The following DRICH1 variants were observed in gnomAD, a reference collection of about 807,000 sequenced individuals.
DRICH1 encodes aspartate rich 1.
DRICH1 carries 38 observed loss-of-function variants against 39.5 expected under a neutral mutation model. That is an observed-to-expected ratio of 0.96 (90% confidence interval 0.74 to 1.26). The LOEUF (loss-of-function observed/expected upper bound fraction) is 1.26. DRICH1 is among the 50% of genes most tolerant of loss of function. The probability of loss-of-function intolerance (pLI) is 0.00; values close to 1 mark genes in which losing one functional copy is unlikely to be tolerated. For synonymous variants in DRICH1, 84 were observed against 99.5 expected, an observed-to-expected ratio of 0.84 and a Z score of 0.93; for missense variants, 279 against 270.4, an observed-to-expected ratio of 1.03 and a Z score of -0.22.
At position 23,624,291 on chromosome 22, in the gene DRICH1, G is replaced by C. The variant is rs745586907; in HGVS notation, c.298+592C>G. ...GCTCTGAGATTTTGCAGTGGCACAG[G>C]CAGAAAAGAGCAGGTGTTCTCAGAA... On this transcript the variant is annotated intron_variant, in intron 3 of 11. Coordinates refer to ENST00000317749, the MANE Select transcript of DRICH1 (RefSeq NM_016449.4). 256 of 985,150 alleles carry C rather than the reference G, an allele frequency of 2.6e-4. 1 individual carries two copies. The highest frequency in any genetic ancestry group is 2.8e-4 in the Non-Finnish European group (236 of 829,738). 61.0% of individuals were successfully genotyped at this position (985,150 alleles called of 1,614,324 possible). A position where few individuals can be genotyped will look rare whatever the true frequency, so the allele number is the denominator to read the frequency against.
chr22:23,596,944 G>C, the DRICH1 span, among the ~76,000 whole-genome samples: 1 of 151,202 alleles, frequency 6.6e-6, no homozygotes, highest in South Asian at 2.1e-4. Flanking sequence ...TGACAGTATA[G>C]TATTGCAACT....
At chr22:23,608,323 GGACTCT>G (rs1393988325), downstream of DRICH1, 1 of 175,958 alleles carries the variant, frequency 5.7e-6, no homozygotes, top group Non-Finnish European at 1.2e-5. Context: ...TCCTGGAGGA[GGACTCT>G]GACAGCAAGG....
intron 1 of DRICH1, among the ~76,000 whole-genome samples, chr22:23,627,801 T>C (rs533231748): frequency 4.7e-4 from 72 of 152,240 alleles, no homozygotes; most frequent in African/African-American, 1.6e-3. Context: ...GCCTCCAGGA[T>C]TGGTGTAGGG....
At chr22:23,592,515 G>A in the DRICH1 span, among the ~76,000 whole-genome samples, 69 of 152,234 alleles carry the variant, frequency 4.5e-4, 1 homozygote, top group African/African-American at 1.5e-3. Flanking sequence ...TGCATAACAG[G>A]CAAGAGAAAG....
In DRICH1 at chr22:23,632,072, G is replaced by C. The variant is rs1920999361; in HGVS notation, c.-49C>G. The C allele has an allele frequency of 6.2e-7, 1 of 1,609,188 alleles. No individual in the cohort carries two copies. Among genetic ancestry groups the C allele is most frequent in the Non-Finnish European group, 8.5e-7 (1 of 1,178,184 alleles). On this transcript the variant is annotated 5_prime_UTR_variant, in exon 1 of 12. Transcript: ENST00000317749. ...TCCTGCCTCAGCCTTCAGCGAAATT[G>C]TAACTGTGCTGCCCTAGCAGCCACA...
chr22:23,624,305 G>A (rs1927932297), intron 3 of DRICH1: 2 of 985,150 alleles, frequency 2.0e-6, no homozygotes, highest in South Asian at 4.7e-5. Context: ...AAAAGAGCAG[G>A]TGTTCTCAGA....
At chr22:23,603,580 T>A (rs1488086226), downstream of DRICH1, among the ~76,000 whole-genome samples, 2 of 152,174 alleles carry the variant, frequency 1.3e-5, no homozygotes, top group African/African-American at 4.8e-5. Flanking sequence ...TCTCCCTCCG[T>A]GTCCCCCAGG....
the DRICH1 span, among the ~76,000 whole-genome samples, chr22:23,585,031 ATT>A: frequency 6.6e-6 from 1 of 151,926 alleles, no homozygotes; most frequent in African/African-American, 2.4e-5. Context: ...ATGTTACCTA[ATT>A]TTGTTTCTTG....
At chr22:23,619,168 T>A (rs1927557864) in intron 6 of DRICH1, among the ~76,000 whole-genome samples, 196 bp downstream of exon 6, 1 of 113,664 alleles carries the variant, frequency 8.8e-6, no homozygotes, top group Non-Finnish European at 1.8e-5. Flanking sequence ...TGAGACTCCG[T>A]CTCAAAAAAA....
At chr22:23,597,042 C>A in the DRICH1 span, among the ~76,000 whole-genome samples, 1 of 150,118 alleles carries the variant, frequency 6.7e-6, no homozygotes, top group African/African-American at 2.5e-5. Context: ...CGCACATGTA[C>A]TAATTGTTAC....
the DRICH1 span, among the ~76,000 whole-genome samples, chr22:23,591,654 C>T: frequency 2.6e-5 from 4 of 152,204 alleles, no homozygotes; most frequent in East Asian, 1.9e-4. Flanking sequence ...CTATCTGAGG[C>T]GTAGGGGGTC....
In DRICH1 at chr22:23,632,101, C is replaced by G. The variant is rs1921000694; in HGVS notation, c.-78G>C. On this transcript the variant is annotated 5_prime_UTR_variant, in exon 1 of 12. Transcript: ENST00000317749. ...CTGTGCTGCCCTAGCAGCCACACTACTGAGGGTGGCCCTGCACTTTTAGAA... is the reference window on the plus strand; with the variant it reads ...CTGTGCTGCCCTAGCAGCCACACTAGTGAGGGTGGCCCTGCACTTTTAGAA... 6.3e-7 allele frequency: 1 copy of G among 1,583,892 alleles called. No individual in the cohort carries two copies. The highest frequency in any genetic ancestry group is 1.3e-5 in the African/African-American group (1 of 74,386).
chr22:23,594,910 G>A, the DRICH1 span, among the ~76,000 whole-genome samples: 1 of 151,492 alleles, frequency 6.6e-6, no homozygotes, highest in African/African-American at 2.4e-5. Flanking sequence ...TTTGAAAGAG[G>A]TGAGCAGAGT....
chr22:23,603,622 C>T (rs1459563974), downstream of DRICH1, among the ~76,000 whole-genome samples: 1 of 152,134 alleles, frequency 6.6e-6, no homozygotes, highest in East Asian at 1.9e-4. Flanking sequence ...GTCTCCTCTC[C>T]ACTGGCACTG....
the DRICH1 span, among the ~76,000 whole-genome samples, chr22:23,582,700 G>A: frequency 6.6e-6 from 1 of 151,990 alleles, no homozygotes; most frequent in Admixed American, 6.6e-5. Context: ...CAGGCAGCTG[G>A]TCTACAGGTG....
At chr22:23,632,546 TTC>T (rs1474625648), upstream of DRICH1, among the ~76,000 whole-genome samples, 1 of 152,184 alleles carries the variant, frequency 6.6e-6, no homozygotes, top group Non-Finnish European at 1.5e-5. Context: ...TGCCTGAGCT[TTC>T]CAGTCCTGAG....
chr22:23,617,012 C>T (rs2123773758), intron 7 of DRICH1, 138 bp from the exon 8 acceptor site: 3 of 977,106 alleles, frequency 3.1e-6, no homozygotes, highest in Non-Finnish European at 3.2e-6. Flanking sequence ...ACCAAACATT[C>T]TAGCATAGAG....
downstream of DRICH1, among the ~76,000 whole-genome samples, chr22:23,605,974 T>G (rs1450789858): frequency 6.6e-6 from 1 of 150,486 alleles, no homozygotes; most frequent in Admixed American, 6.6e-5. Context: ...CTTGGGAGGC[T>G]GAGGTAGGAG....
chr22:23,630,072 C>A (rs1928299914), intron 1 of DRICH1, among the ~76,000 whole-genome samples: 1 of 152,216 alleles, frequency 6.6e-6, no homozygotes, highest in African/African-American at 2.4e-5. Context: ...TTACACTTCT[C>A]AGAATCTGTG....
Sources: gnomAD v4.1 joint callset for allele counts (sites outside exome capture counted in the v4.1 genomes callset) on GRCh38, gnomAD v4.1.1 for gene constraint, MANE v1.5 for transcripts, NCBI Gene and HGNC (gene_info 2026-07-23, HGNC 2026-07-21) for gene names.